Variants in HIVEP3 observed in about 807,000 individuals in gnomAD.
The protein encoded by HIVEP3 is transcription factor HIVEP3.
Under a neutral mutation model 152.8 loss-of-function variants are expected in HIVEP3, and 49 were observed. That is an observed-to-expected ratio of 0.32 (90% CI 0.26 to 0.41). The LOEUF (loss-of-function observed/expected upper bound fraction) is 0.41, where lower values mean the gene tolerates loss of function less well. HIVEP3 is among the 10% of genes least tolerant of loss of function. The probability of loss-of-function intolerance (pLI) is 1.00; values close to 1 mark genes in which losing one functional copy is unlikely to be tolerated. For missense variants in HIVEP3, 2,790 were observed against 3,103.3 expected, an observed-to-expected ratio of 0.90 and a Z score of 2.40; for synonymous variants, 1,269 against 1,289.0, an observed-to-expected ratio of 0.98 and a Z score of 0.33.
At chr1:41,902,668 G>C (rs2786487) in intron 1 of HIVEP3, among the ~76,000 whole-genome samples, 71,049 of 152,020 alleles carry the variant, frequency 0.47, 17,963 homozygotes, top group Middle Eastern at 0.57. Context: ...AGAAGTGGCC[G>C]AAGTGATCCA....
At chr1:41,594,102 T>C (rs1347307717) in intron 3 of HIVEP3, among the ~76,000 whole-genome samples, 1 of 152,232 alleles carries the variant, frequency 6.6e-6, no homozygotes, top group Non-Finnish European at 1.5e-5. Flanking sequence ...TTAAATCACA[T>C]CTACAAATTA....
At chr1:41,736,616 T>C (rs574862800) in intron 1 of HIVEP3, among the ~76,000 whole-genome samples, 1 of 152,316 alleles carries the variant, frequency 6.6e-6, no homozygotes, top group African/African-American at 2.4e-5. Flanking sequence ...AGATGCAGGA[T>C]GAGCATTCAC....
At chr1:41,690,191 A>G (rs548079337) in intron 2 of HIVEP3, among the ~76,000 whole-genome samples, 2 of 152,364 alleles carry the variant, frequency 1.3e-5, no homozygotes, top group South Asian at 4.1e-4. Flanking sequence ...ATAACCATAA[A>G]GTTCCAAAAC....
chr1:41,758,997 A>G (rs1647495986), intron 1 of HIVEP3, among the ~76,000 whole-genome samples: 1 of 152,098 alleles, frequency 6.6e-6, no homozygotes, highest in African/African-American at 2.4e-5. Flanking sequence ...ATTCAGTGGC[A>G]TTAAGTGCTT....
intron 1 of HIVEP3, among the ~76,000 whole-genome samples, chr1:41,828,261 C>A (rs933012600): frequency 2.6e-5 from 4 of 152,218 alleles, no homozygotes. Flanking sequence ...CTCCCCGCTG[C>A]CCCTCACAGC....
chr1:41,541,408 G>A (rs1363652231), intron 5 of HIVEP3, among the ~76,000 whole-genome samples: 1 of 152,168 alleles, frequency 6.6e-6, no homozygotes, highest in East Asian at 1.9e-4. Flanking sequence ...CCCTTTGTGA[G>A]CCCCATGGCT....
At chr1:41,720,353 C>T (rs973953370) in intron 1 of HIVEP3, among the ~76,000 whole-genome samples, 1 of 152,220 alleles carries the variant, frequency 6.6e-6, no homozygotes, top group Non-Finnish European at 1.5e-5. Flanking sequence ...GGTTCATTCA[C>T]AGATTTACTC....
chr1:41,905,326 TC>T, intron 1 of HIVEP3, among the ~76,000 whole-genome samples: 1 of 152,262 alleles, frequency 6.6e-6, no homozygotes. Flanking sequence ...ACAAGCACTC[TC>T]CATGCAGTGT....
chr1:41,674,897 C>G (rs887641761), intron 2 of HIVEP3, among the ~76,000 whole-genome samples: 6 of 152,180 alleles, frequency 3.9e-5, no homozygotes, highest in African/African-American at 7.2e-5. Context: ...TTAGTCCACA[C>G]TTATTGGAAC....
intron 1 of HIVEP3, among the ~76,000 whole-genome samples, chr1:41,893,085 T>C (rs555996134): frequency 7.1e-6 from 1 of 139,896 alleles, no homozygotes; most frequent in Non-Finnish European, 1.5e-5. Flanking sequence ...TTCGTGCAAC[T>C]GCACTCTAGC....
intron 1 of HIVEP3, among the ~76,000 whole-genome samples, chr1:41,986,598 G>A (rs556519611): frequency 2.0e-5 from 3 of 152,046 alleles, no homozygotes; most frequent in South Asian, 4.1e-4. Flanking sequence ...CCGCCACCAC[G>A]CCCGGCTAAT....
chr1:41,759,784 C>A (rs1358498402), intron 1 of HIVEP3, among the ~76,000 whole-genome samples: 1 of 152,144 alleles, frequency 6.6e-6, no homozygotes, highest in African/African-American at 2.4e-5. Context: ...AGCTGTGACA[C>A]CATGGGTTGG....
intron 2 of HIVEP3, among the ~76,000 whole-genome samples, chr1:41,695,063 C>T (rs962293927): frequency 6.6e-6 from 1 of 152,194 alleles, no homozygotes; most frequent in South Asian, 2.1e-4. Context: ...AAACTTGTTT[C>T]CCCCAAAGCT....
chr1:41,667,068 G>A (rs563584699), intron 2 of HIVEP3, among the ~76,000 whole-genome samples: 1 of 152,344 alleles, frequency 6.6e-6, no homozygotes, highest in African/African-American at 2.4e-5. Context: ...CCCAGGGAGT[G>A]TTGGCGTTTC....
At chr1:41,800,401 G>T (rs1179014265) in intron 1 of HIVEP3, among the ~76,000 whole-genome samples, 2 of 152,194 alleles carry the variant, frequency 1.3e-5, no homozygotes, top group Non-Finnish European at 2.9e-5. Flanking sequence ...GCTGGGTCTG[G>T]CCCACTGGAG....
intron 1 of HIVEP3, among the ~76,000 whole-genome samples, chr1:41,745,922 C>T (rs982782264): frequency 5.3e-5 from 8 of 152,184 alleles, no homozygotes; most frequent in African/African-American, 1.4e-4. Context: ...TACCATGATG[C>T]CTGGCATCAA....
At chr1:41,579,084 C>T (rs189008119) in intron 4 of HIVEP3, among the ~76,000 whole-genome samples, 209 of 152,290 alleles carry the variant, frequency 1.4e-3, no homozygotes, top group African/African-American at 4.8e-3. Flanking sequence ...GCAATGAAAG[C>T]GTAAACATTA....
At chr1:41,702,563 A>C (rs1646378777) in intron 1 of HIVEP3, among the ~76,000 whole-genome samples, 1 of 152,234 alleles carries the variant, frequency 6.6e-6, no homozygotes, top group Admixed American at 6.5e-5. Context: ...ATAAAACCTC[A>C]ACACAATATC....
At chr1:41,685,415 G>T (rs935282373) in intron 2 of HIVEP3, among the ~76,000 whole-genome samples, 5 of 152,196 alleles carry the variant, frequency 3.3e-5, no homozygotes, top group African/African-American at 1.2e-4. Context: ...ACAAGTCTTT[G>T]TTTCCTTGCC....
Sources: gnomAD v4.1 joint callset for allele counts (sites outside exome capture counted in the v4.1 genomes callset) on GRCh38, gnomAD v4.1.1 for gene constraint, MANE v1.5 for transcripts, NCBI Gene and HGNC (gene_info 2026-07-23, HGNC 2026-07-21) for gene names.